Variants in ACHE observed in about 807,000 individuals in gnomAD.
ACHE encodes the protein acetylcholinesterase.
ACHE carries 19 observed loss-of-function variants against 53.9 expected under a neutral mutation model. That is an observed-to-expected ratio of 0.35 (90% CI 0.25 to 0.52). The LOEUF is 0.52. Among genes scored for constraint, ACHE ranks in the 20% least tolerant of loss-of-function variants. The probability of loss-of-function intolerance (pLI) is 0.95; values close to 1 mark genes in which losing one functional copy is unlikely to be tolerated. For synonymous variants in ACHE, 392 were observed against 378.1 expected (o/e 1.04, Z -0.43); for missense variants, 605 against 849.4 (o/e 0.71, Z 3.58).
chr7:100,892,498 G>A lies in ACHE; in HGVS notation c.1389C>T (p.His463=). 1 of 1,592,934 alleles carries A rather than the reference G, an allele frequency of 6.3e-7. No homozygotes were observed. Among genetic ancestry groups the A allele is most frequent in the Non-Finnish European group, 8.6e-7 (1 of 1,163,720 alleles). The change falls in exon 3 of 5, where the codon CAC becomes CAT. Residue 463 remains histidine, a synonymous_variant. Coordinates refer to ENST00000241069, the MANE Select transcript of ACHE (RefSeq NM_000665.5). The surrounding 1 kb of genome is among the most constrained non-coding windows in gnomAD (Gnocchi z 5.2). ...GARVYAYVFE[H]RASTLSWPLW... ...GGGGCCAGGAGAGCGTGGAAGCACG[G>A]TGTTCAAAGACGTAGGCGTAGACCC...
rs746510680 is a variant in ACHE at position 100,893,975 on chromosome 7, A to C, written c.258T>G (p.Pro86=). Reference sequence around the variant, plus strand: ...TTGTAGCGTCTACCACCCCTGACCAAGGCTGCTTGGGCTCCGGTGGCAGAA... The same window carrying C: ...TTGTAGCGTCTACCACCCCTGACCACGGCTGCTTGGGCTCCGGTGGCAGAA... ...RRFLPPEPKQ[P]WSGVVDATTF... The change falls in exon 2 of 5, where the codon CCT becomes CCG. Residue 86 remains proline, a synonymous_variant. Transcript: ENST00000241069. 6.2e-7 allele frequency: 1 copy of C among 1,611,960 alleles called. No homozygotes were observed. Among genetic ancestry groups the C allele is most frequent in the South Asian group, 1.1e-5 (1 of 90,816 alleles).
chr7:100,891,216 G>A lies in ACHE; in HGVS notation c.1676C>T (p.Ala559Val). The change falls in exon 4 of 5, where the codon GCC (alanine) becomes GTC (valine). Residue 559 changes from alanine (A) to valine (V), a missense_variant. Physicochemically the swap from Ala to Val is moderately conservative, Grantham distance 64. Transcript: ENST00000241069. ...LEVRRGLRAQ[A>V]CAFWNRFLPK... Reference sequence around the variant, plus strand: ...GAGGAAGCGGTTCCAGAAGGCGCAGGCCTGGGCGCGCAGCCCCCGCCGCAC... The same window carrying A: ...GAGGAAGCGGTTCCAGAAGGCGCAGACCTGGGCGCGCAGCCCCCGCCGCAC... 1 of 1,608,888 alleles carries A rather than the reference G, an allele frequency of 6.2e-7. No individual in the cohort carries two copies. Among genetic ancestry groups the A allele is most frequent in the Non-Finnish European group, 8.5e-7 (1 of 1,179,182 alleles).
Position 100,893,493 on chromosome 7 carries a change from G to A in ACHE, c.740C>T (p.Pro247Leu), listed in dbSNP as rs143875983. The A allele has an allele frequency of 1.3e-3, 2,071 of 1,607,848 alleles. 2 individuals are homozygous for A. Among genetic ancestry groups the A allele is most frequent in the Non-Finnish European group, 1.4e-3 (1,701 of 1,179,814 alleles). Reference sequence around the variant, plus strand: ...CCTGTGGAACAGGCCCCGGCTGGGCGGGGACAGCAGGTGCATGCCCACCGA... The same window carrying A: ...CCTGTGGAACAGGCCCCGGCTGGGCAGGGACAGCAGGTGCATGCCCACCGA... ...AASVGMHLLS[P>L]PSRGLFHRAV... The change falls in exon 2 of 5, where the codon CCG becomes CTG. Residue 247 changes from proline to leucine, a missense_variant. By Grantham distance (98) the Pro-to-Leu change is moderately conservative (BLOSUM62 -3). Transcript: ENST00000241069.
chr7:100,893,256 A>G lies in ACHE; in HGVS notation c.977T>C (p.Phe326Ser), dbSNP rs1790809357. 1 of 1,614,062 alleles carries G rather than the reference A, an allele frequency of 6.2e-7. No homozygotes were observed. Among genetic ancestry groups the G allele is most frequent in the Non-Finnish European group, 8.5e-7 (1 of 1,180,022 alleles). The stretch of plus-strand genomic sequence containing the variant: ...TACCACAGGCACGAAGGAGAACCGG[A>G]AGACGCTTTCTTGAGGCAGCACGTG... The part of the protein sequence containing the change: ...EWHVLPQESV[F>S]RFSFVPVVDG... The change falls in exon 2 of 5, where the codon TTC becomes TCC. Residue 326 changes from phenylalanine to serine, a missense_variant. Phe to Ser is a radical substitution (Grantham distance 155). Coordinates refer to ENST00000241069, the MANE Select transcript of ACHE (RefSeq NM_000665.5).
rs373484696 is a variant in ACHE at position 100,894,226 on chromosome 7, G to A, written c.7C>T (p.Pro3Ser). 1.4e-6 allele frequency: 2 copies of A among 1,445,952 alleles called. No individual in the cohort carries two copies. Among genetic ancestry groups the A allele is most frequent in the African/African-American group, 1.4e-5 (1 of 70,248 alleles). The allele number at this position is 1,445,952 out of a possible 1,614,324, so 89.6% of individuals were successfully genotyped here. The change falls in exon 2 of 5, where the codon CCC (proline) becomes TCC (serine). Residue 3 changes from proline to serine, a missense_variant. Physicochemically the swap from Pro to Ser is moderately conservative, Grantham distance 74 (BLOSUM62 -1). This residue lies in a region of ACHE where 89 missense variants were observed against 78.9 expected (regional missense o/e 1.13). Transcript: ENST00000241069. ...GGCGTGTGCAGCAGACACTGCGGGG[G>A]CCTCATGGCTGCAGGGCAGGCGGCG... Reference protein sequence around the residue: MRPPQCLLHTPSL... With the variant: MRSPQCLLHTPSL...
chr7:100,891,223 C>T lies in ACHE; in HGVS notation c.1669G>A (p.Ala557Thr), dbSNP rs945898681. Residue 557 changes from alanine (A) to threonine (T), a missense_variant, in exon 4 of 5, where the codon GCC becomes ACC. By Grantham distance (58) the Ala-to-Thr change is moderately conservative. Around this residue, in one of 4 missense-constraint regions of ACHE, gnomAD observed 91 missense variants for 83.2 expected, o/e 1.09. Coordinates refer to ENST00000241069, the MANE Select transcript of ACHE (RefSeq NM_000665.5). Reference protein sequence around the residue: ...RPLEVRRGLRAQACAFWNRFL... With the variant: ...RPLEVRRGLRTQACAFWNRFL... The stretch of plus-strand genomic sequence containing the variant: ...CGGTTCCAGAAGGCGCAGGCCTGGG[C>T]GCGCAGCCCCCGCCGCACCTCCAGC... 13 of 1,607,570 alleles carry T rather than the reference C, an allele frequency of 8.1e-6. No homozygotes were observed. The highest frequency in any genetic ancestry group is 1.0e-5 in the Non-Finnish European group (12 of 1,178,936).
At position 100,894,128 on chromosome 7, in the gene ACHE, C is replaced by A; in HGVS notation, c.105G>T (p.Glu35Asp). ...GCACCGTCACCAGCAGCTCTGCATCCTCCCGGCCCTCAGCCCCCACTCCTC... is the reference window on the plus strand; with the variant it reads ...GCACCGTCACCAGCAGCTCTGCATCATCCCGGCCCTCAGCCCCCACTCCTC... Reference protein sequence around the residue: ...LGGGVGAEGREDAELLVTVRG... With the variant: ...LGGGVGAEGRDDAELLVTVRG... Residue 35 changes from glutamate (E) to aspartate (D), a missense_variant, in exon 2 of 5, where the codon GAG becomes GAT. Physicochemically the swap from Glu to Asp is conservative, Grantham distance 45. This residue lies in a region of ACHE where 89 missense variants were observed against 78.9 expected (regional missense o/e 1.13). Coordinates refer to ENST00000241069, the MANE Select transcript of ACHE (RefSeq NM_000665.5). 1 of 1,492,146 alleles carries A rather than the reference C, an allele frequency of 6.7e-7. No individual in the cohort carries two copies. The highest frequency in any genetic ancestry group is 1.4e-5 in the African/African-American group (1 of 71,568). The allele number at this position is 1,492,146 out of a possible 1,614,324, so 92.4% of individuals were successfully genotyped here.
At chr7:100,891,457 C>G in intron 3 of ACHE, 119 bp from the exon 4 acceptor site, 1 of 1,009,050 alleles carries the variant, frequency 9.9e-7, no homozygotes, top group Non-Finnish European at 1.3e-6. Flanking sequence ...TCCCCTCCCT[C>G]CCACCACTTT....
Position 100,892,260 on chromosome 7 carries a change from T to C in ACHE, c.1553+74A>G. The C allele has an allele frequency of 6.9e-7, 1 of 1,451,940 alleles. No individual in the cohort carries two copies. The highest frequency in any genetic ancestry group is 9.1e-7 in the Non-Finnish European group (1 of 1,097,172). 89.9% of individuals were successfully genotyped at this position (1,451,940 alleles called of 1,614,324 possible). A position where few individuals can be genotyped will look rare whatever the true frequency, so the allele number is the denominator to read the frequency against. On this transcript the variant is annotated intron_variant, in intron 3 of 4. Coordinates refer to ENST00000241069, the MANE Select transcript of ACHE (RefSeq NM_000665.5). The surrounding 1 kb of genome is among the most constrained non-coding windows in gnomAD (Gnocchi z 5.2). ...GTCCCACCCGTCCTTTCTGTCTCCGTGTGTCTGCCTTTGTGTGTCCTCCCG... is the reference window on the plus strand; with the variant it reads ...GTCCCACCCGTCCTTTCTGTCTCCGCGTGTCTGCCTTTGTGTGTCCTCCCG...
chr7:100,892,375 G>A lies in ACHE; in HGVS notation c.1512C>T (p.Ala504=), dbSNP rs1242349369. 1.3e-6 allele frequency: 2 copies of A among 1,516,048 alleles called. No homozygotes were observed. Among genetic ancestry groups the A allele is most frequent in the Non-Finnish European group, 1.8e-6 (2 of 1,129,330 alleles). 93.9% of individuals were successfully genotyped at this position (1,516,048 alleles called of 1,614,324 possible). The change falls in exon 3 of 5, where the codon GCC becomes GCT. Residue 504 remains alanine, a synonymous_variant. Transcript: ENST00000241069. This position sits in a 1 kb window ranked among gnomAD's most constrained non-coding sequence, Gnocchi z 5.2. The part of the protein sequence containing the change: ...RNYTAEEKIF[A]QRLMRYWANF... ...TGGCCCAGTATCGCATCAGTCGCTG[G>A]GCGAAGATTTTCTCCTCTGCCGTGT... is the stretch of plus-strand genomic sequence containing the variant.
intron 3 of ACHE, 36 bp from the exon 4 acceptor site, chr7:100,891,374 A>G: frequency 2.7e-6 from 4 of 1,493,178 alleles, no homozygotes; most frequent in Non-Finnish European, 3.5e-6. Context: ...CCAGACGGGC[A>G]GTGGGAGGAG....
Position 100,890,346 on chromosome 7 carries a change from G to A in ACHE, c.1724-11C>T. On this transcript the variant is annotated splice_polypyrimidine_tract_variant and intron_variant, in intron 4 of 4. Coordinates refer to ENST00000241069, the MANE Select transcript of ACHE (RefSeq NM_000665.5). ...CCTCGTCGAGCGTGTCTGCGGCCAG[G>A]GCGCCCAGCGAGGCGGGAGGGGAGG... 1 of 1,601,512 alleles carries A rather than the reference G, an allele frequency of 6.2e-7. No individual in the cohort carries two copies.
chr7:100,892,938 C>G lies in ACHE; in HGVS notation c.1069-120G>C, dbSNP rs1401016379. 7.5e-7 allele frequency: 1 copy of G among 1,340,716 alleles called. No homozygotes were observed. The highest frequency in any genetic ancestry group is 9.9e-7 in the Non-Finnish European group (1 of 1,005,516). The allele number at this position is 1,340,716 out of a possible 1,614,324, so 83.1% of individuals were successfully genotyped here. A position where few individuals can be genotyped will look rare whatever the true frequency, so the allele number is the denominator to read the frequency against. ...ACAGTTACAGACCCGGAACCATGGACAGAGAGAGGACGAGATCAGGGGAGG... is the reference window on the plus strand; with the variant it reads ...ACAGTTACAGACCCGGAACCATGGAGAGAGAGAGGACGAGATCAGGGGAGG... On this transcript the variant is annotated intron_variant, in intron 2 of 4. Coordinates refer to ENST00000241069, the MANE Select transcript of ACHE (RefSeq NM_000665.5). The surrounding 1 kb of genome is among the most constrained non-coding windows in gnomAD (Gnocchi z 5.2).
chr7:100,893,841 T>A lies in ACHE; in HGVS notation c.392A>T (p.Asn131Ile). 1 of 1,611,728 alleles carries A rather than the reference T, an allele frequency of 6.2e-7. No homozygotes were observed. Among genetic ancestry groups the A allele is most frequent in the Non-Finnish European group, 8.5e-7 (1 of 1,178,914 alleles). ...AGGCCGGGGGTATGGTGTCCACACGTTGAGGTACAGGCAGTCCTCGCTCAG... is the reference window on the plus strand; with the variant it reads ...AGGCCGGGGGTATGGTGTCCACACGATGAGGTACAGGCAGTCCTCGCTCAG... ...RELSEDCLYLNVWTPYPRPTS... is the reference protein window; with the variant it reads ...RELSEDCLYLIVWTPYPRPTS... The change falls in exon 2 of 5, where the codon AAC (asparagine) becomes ATC (isoleucine). Residue 131 changes from asparagine (N) to isoleucine (I), a missense_variant. By Grantham distance (149) the Asn-to-Ile change is moderately radical (BLOSUM62 -3). Around this residue, in one of 4 missense-constraint regions of ACHE, gnomAD observed 397 missense variants for 632.5 expected, o/e 0.63. Transcript: ENST00000241069.
At position 100,894,205 on chromosome 7, in the gene ACHE, T is replaced by C; in HGVS notation, c.28A>G (p.Thr10Ala). The part of the protein sequence containing the change: MRPPQCLLH[T>A]PSLASPLLLL... ...AGGAGTGGGGAAGCCAGGGAAGGCG[T>C]GTGCAGCAGACACTGCGGGGGCCTC... The change falls in exon 2 of 5, where the codon ACG becomes GCG. Residue 10 changes from threonine (T) to alanine (A), a missense_variant. Coordinates refer to ENST00000241069, the MANE Select transcript of ACHE (RefSeq NM_000665.5). 6.8e-7 allele frequency: 1 copy of C among 1,467,254 alleles called. No homozygotes were observed. The highest frequency in any genetic ancestry group is 9.0e-7 in the Non-Finnish European group (1 of 1,115,730). 90.9% of individuals were successfully genotyped at this position (1,467,254 alleles called of 1,614,324 possible). A position where few individuals can be genotyped will look rare whatever the true frequency, so the allele number is the denominator to read the frequency against.
At chr7:100,890,509 A>C in intron 4 of ACHE, 174 bp from the exon 5 acceptor site, 1 of 1,421,634 alleles carries the variant, frequency 7.0e-7, no homozygotes. Context: ...GAAAGACGAG[A>C]GGGAGGATGA....
intron 1 of ACHE, 147 bp from the exon 2 acceptor site, chr7:100,894,399 G>C: frequency 8.1e-6 from 4 of 490,952 alleles, no homozygotes; most frequent in Non-Finnish European, 1.0e-5. Context: ...AGGGAGGGAG[G>C]GAAGGAGACA....
chr7:100,891,780 T>C (rs1021278436), intron 3 of ACHE, among the ~76,000 whole-genome samples: 9 of 126,360 alleles, frequency 7.1e-5, no homozygotes, highest in Non-Finnish European at 1.2e-4. Flanking sequence ...TGTCTTGGTC[T>C]CCCTTTTTTT....
intron 1 of ACHE, among the ~76,000 whole-genome samples, chr7:100,895,059 G>A (rs1045222300): frequency 1.3e-5 from 2 of 152,084 alleles, no homozygotes; most frequent in Non-Finnish European, 2.9e-5. Flanking sequence ...GGGCCTTGCA[G>A]AGCCGCCTGA....
Sources: allele counts gnomAD v4.1 joint callset (sites outside exome capture counted in the v4.1 genomes callset), GRCh38; gene constraint gnomAD v4.1.1; regional missense constraint gnomAD v4.1.1; non-coding constraint Gnocchi (gnomAD v3.1); transcripts MANE v1.5; gene names NCBI Gene and HGNC (gene_info 2026-07-23, HGNC 2026-07-21).